FOXP1: variants seen among roughly 807,000 people sequenced by gnomAD.
FOXP1 encodes forkhead box protein P1.
A neutral mutation model predicts 98.2 loss-of-function variants in FOXP1; 15 were observed. That is an observed-to-expected ratio of 0.15 (90% confidence interval 0.10 to 0.24). The LOEUF is 0.24. Ranked by LOEUF, FOXP1 falls within the 10% of genes least tolerant of loss-of-function variation. The probability of loss-of-function intolerance (pLI) is 1.00; values close to 1 mark genes in which losing one functional copy is unlikely to be tolerated. For synonymous variants in FOXP1, 371 were observed against 314.5 expected (o/e 1.18, Z -1.90); for missense variants, 633 against 848.5 (o/e 0.75, Z 3.15).
chr3:71,569,736 A>G (rs1306322364), intron 2 of FOXP1, among the ~76,000 whole-genome samples: 1 of 152,030 alleles, frequency 6.6e-6, no homozygotes. Context: ...TATGGATATC[A>G]TTACGATCCT....
intron 6 of FOXP1, among the ~76,000 whole-genome samples, chr3:71,185,045 T>C (rs1576273372): frequency 6.6e-6 from 1 of 151,946 alleles, no homozygotes; most frequent in Non-Finnish European, 1.5e-5. Context: ...ATACAAAAAT[T>C]AGCCAGGTGT....
intron 7 of FOXP1, among the ~76,000 whole-genome samples, chr3:71,070,726 C>T (rs1462287024): frequency 6.6e-6 from 1 of 152,122 alleles, no homozygotes; most frequent in East Asian, 1.9e-4. Flanking sequence ...TCTGCAGCAG[C>T]GTGCTGGGGT....
At chr3:71,280,535 G>A (rs1045780931) in intron 5 of FOXP1, among the ~76,000 whole-genome samples, 3 of 151,910 alleles carry the variant, frequency 2.0e-5, no homozygotes, top group African/African-American at 7.2e-5. Context: ...TGTTGGACAG[G>A]CTCGTCTCAA....
chr3:71,091,414 C>T (rs144409109), intron 7 of FOXP1, among the ~76,000 whole-genome samples: 1,550 of 151,908 alleles, frequency 0.01, 25 homozygotes, highest in African/African-American at 0.035. Context: ...TGCTTGAACC[C>T]GGGAGGCGGA....
intron 3 of FOXP1, among the ~76,000 whole-genome samples, chr3:71,383,392 T>C (rs2080322680): frequency 6.6e-6 from 1 of 152,308 alleles, no homozygotes; most frequent in African/African-American, 2.4e-5. Context: ...GCTGAGATTT[T>C]GGTTTTGGGC....
chr3:71,533,674 G>C (rs1231294876), intron 2 of FOXP1, among the ~76,000 whole-genome samples: 1 of 151,972 alleles, frequency 6.6e-6, no homozygotes, highest in African/African-American at 2.4e-5. Flanking sequence ...ATTATTTTTC[G>C]GGTGTTTTAA....
At chr3:71,550,824 C>A (rs1361703811) in intron 2 of FOXP1, among the ~76,000 whole-genome samples, 5 of 152,194 alleles carry the variant, frequency 3.3e-5, no homozygotes, top group Admixed American at 2.6e-4. Context: ...CCGCAGCATA[C>A]AGCTGAGGTA....
At chr3:71,353,409 A>AT (rs1217283685) in intron 4 of FOXP1, among the ~76,000 whole-genome samples, 1 of 152,144 alleles carries the variant, frequency 6.6e-6, no homozygotes, top group Non-Finnish European at 1.5e-5. Context: ...GGGGTGTTAT[A>AT]TATTTTTAGA....
chr3:71,164,282 C>T (rs1482159067), intron 6 of FOXP1, among the ~76,000 whole-genome samples: 1 of 152,138 alleles, frequency 6.6e-6, no homozygotes, highest in Non-Finnish European at 1.5e-5. Flanking sequence ...TCACTGCAAG[C>T]TCCGCCTCCC....
chr3:71,367,358 G>C (rs1393454414), intron 3 of FOXP1, among the ~76,000 whole-genome samples: 15 of 152,170 alleles, frequency 9.9e-5, no homozygotes, highest in Admixed American at 9.2e-4. Flanking sequence ...TTCACTCCCT[G>C]TTTGCATTCT....
Position 71,198,078 on chromosome 3 carries a change from A to G in FOXP1, c.180+124T>C, listed in dbSNP as rs544441542. On this transcript the variant is annotated intron_variant, in intron 6 of 20. Transcript: ENST00000649528. ...GGTTTATGAGATGCCACTGACAGAC[A>G]GAAAGACAGATGGACAGACAGGTGA... 1.7e-5 allele frequency: 28 copies of G among 1,614,184 alleles called. No homozygotes were observed. In the South Asian group the frequency reaches 3.1e-4, roughly 18 times the overall value.
intron 2 of FOXP1, among the ~76,000 whole-genome samples, chr3:71,495,970 T>G (rs2091378545): frequency 6.6e-6 from 1 of 152,166 alleles, no homozygotes; most frequent in South Asian, 2.1e-4. Context: ...CTTTATCAGC[T>G]TCAAGGGGGA....
Position 70,955,257 on chromosome 3 carries a change from CT to C in FOXP1, c.*3989del, listed in dbSNP as rs1252202619. The C allele has an allele frequency of 8.6e-6, 2 of 232,632 alleles. No individual in the cohort carries two copies. Among genetic ancestry groups the C allele is most frequent in the Non-Finnish European group, 1.7e-5 (2 of 117,778 alleles). The allele number at this position is 232,632 out of a possible 1,614,324, so 14.4% of individuals were successfully genotyped here. The stretch of plus-strand genomic sequence containing the variant: ...GAAAAAAAAGCTAGTGATTTACAGC[CT>C]ATCTTGGGTTAAGAATCCAAGGTTT... On this transcript the variant is annotated 3_prime_UTR_variant, in exon 21 of 21. Transcript: ENST00000649528.
intron 6 of FOXP1, among the ~76,000 whole-genome samples, chr3:71,134,009 G>A (rs557683072): frequency 2.6e-5 from 4 of 152,120 alleles, no homozygotes; most frequent in Non-Finnish European, 4.4e-5. Flanking sequence ...GTGTCTCCTT[G>A]TTTATTCCTT....
Position 71,315,151 on chromosome 3 carries a change from G to C in FOXP1, c.-72-15271C>G, listed in dbSNP as rs143961192. Among the ~76,000 whole-genome samples the C allele has an allele frequency of 7.5e-3, 968 of 129,736 alleles. 30 individuals carry two copies. Among genetic ancestry groups the C allele is most frequent in the Non-Finnish European group, 4.4e-3 (272 of 61,722 alleles). 85.1% of individuals were successfully genotyped at this position (129,736 alleles called of 152,430 possible). On this transcript the variant is annotated intron_variant, in intron 4 of 20. Transcript: ENST00000649528. ...AGAAAAAGCTCATATTTTCCATATAGAAACAAGCCCCTTTATATGAACCAG... is the reference window on the plus strand; with the variant it reads ...AGAAAAAGCTCATATTTTCCATATACAAACAAGCCCCTTTATATGAACCAG...
intron 3 of FOXP1, among the ~76,000 whole-genome samples, chr3:71,416,095 C>T (rs1026605050): frequency 6.6e-6 from 1 of 152,110 alleles, no homozygotes; most frequent in Non-Finnish European, 1.5e-5. Context: ...ACAGAAAGAA[C>T]CTGTAAAGTT....
intron 7 of FOXP1, among the ~76,000 whole-genome samples, chr3:71,099,098 A>C (rs986297555): frequency 3.9e-5 from 6 of 152,206 alleles, no homozygotes; most frequent in African/African-American, 1.4e-4. Flanking sequence ...GGTTACCCAA[A>C]AGTTGATTAT....
intron 5 of FOXP1, among the ~76,000 whole-genome samples, chr3:71,240,612 G>A (rs899654618): frequency 2.6e-5 from 4 of 151,924 alleles, no homozygotes; most frequent in African/African-American, 7.3e-5. Flanking sequence ...GCGCGATCTC[G>A]GCTTACTGCA....
chr3:70,967,483 G>GA (rs920974031), intron 19 of FOXP1, among the ~76,000 whole-genome samples: 29 of 152,210 alleles, frequency 1.9e-4, no homozygotes, highest in South Asian at 1.0e-3. Flanking sequence ...AAAGTAGGGG[G>GA]AAAATCCTGT....
Sources: allele counts gnomAD v4.1 joint callset (sites outside exome capture counted in the v4.1 genomes callset), GRCh38; gene constraint gnomAD v4.1.1; transcripts MANE v1.5; gene names NCBI Gene and HGNC (gene_info 2026-07-23, HGNC 2026-07-21).